NRDE2: variants seen among roughly 807,000 people sequenced by gnomAD.
NRDE2 encodes NRDE-2, necessary for RNA interference, domain containing.
In NRDE2, 76 loss-of-function variants were observed where a neutral mutation model predicts 124.2. The observed-to-expected ratio is 0.61, with a 90% CI of 0.51 to 0.74. The LOEUF (loss-of-function observed/expected upper bound fraction) is 0.74, where lower values mean the gene tolerates loss of function less well. Ranked by LOEUF, NRDE2 falls within the 30% of genes least tolerant of loss-of-function variation. The pLI is 0.00. For missense variants in NRDE2, 1,314 were observed against 1,417.3 expected (o/e 0.93, Z 1.17); for synonymous variants, 489 against 528.1 (o/e 0.93, Z 1.01).
At chr14:90,316,085 A>C (rs1031023805) in intron 3 of NRDE2, among the ~76,000 whole-genome samples, 1 of 152,184 alleles carries the variant, frequency 6.6e-6, no homozygotes, top group Non-Finnish European at 1.5e-5. Context: ...TCTTAAACAA[A>C]TATGAAAAAG....
In NRDE2 at chr14:90,278,218, G is replaced by C; in HGVS notation, c.*118C>G. The C allele has an allele frequency of 8.0e-7, 1 of 1,249,272 alleles. No homozygotes were observed. The highest frequency in any genetic ancestry group is 1.4e-5 in the South Asian group (1 of 73,886). The allele number at this position is 1,249,272 out of a possible 1,614,324, so 77.4% of individuals were successfully genotyped here. On this transcript the variant is annotated 3_prime_UTR_variant, in exon 14 of 14. Coordinates refer to ENST00000354366, the MANE Select transcript of NRDE2 (RefSeq NM_017970.4). ...GCTGGCAGCCCACATTATTACTATC[G>C]AGAAAGAACATTTCAAAAGCCGAGT...
chr14:90,290,463 C>T lies in NRDE2; in HGVS notation c.1987G>A (p.Glu663Lys), dbSNP rs766972857. The change falls in exon 10 of 14, where the codon GAG becomes AAG. Residue 663 changes from glutamate to lysine, a missense_variant. Coordinates refer to ENST00000354366, the MANE Select transcript of NRDE2 (RefSeq NM_017970.4). The stretch of plus-strand genomic sequence containing the variant: ...AGTCCATTATCAAAGATGCTGTTCT[C>T]ATCCATGGCCAGATAAAGACAGGAG... ...PASCLYLAMD[E>K]NSIFDNGLYD... 6.2e-7 allele frequency: 1 copy of T among 1,613,952 alleles called. No individual in the cohort carries two copies. Among genetic ancestry groups the T allele is most frequent in the Non-Finnish European group, 8.5e-7 (1 of 1,180,034 alleles).
rs1452093771 is a variant in NRDE2, at chr14:90,276,775, T to C, written c.*1561A>G. On this transcript the variant is annotated 3_prime_UTR_variant, in exon 14 of 14. Transcript: ENST00000354366. Reference sequence around the variant, plus strand: ...TCAGAGGCCACGCCCTTCTAAGTTCTGAACCAGATGAGAAGAGACATGAGT... The same window carrying C: ...TCAGAGGCCACGCCCTTCTAAGTTCCGAACCAGATGAGAAGAGACATGAGT... 6.6e-6 allele frequency: 1 copy of C among 152,214 alleles called. No homozygotes were observed. The highest frequency in any genetic ancestry group is 1.5e-5 in the Non-Finnish European group (1 of 68,104). 9.4% of individuals were successfully genotyped at this position (152,214 alleles called of 1,614,324 possible).
chr14:90,321,542 G>T (rs1885240510), intron 1 of NRDE2, among the ~76,000 whole-genome samples: 1 of 133,950 alleles, frequency 7.5e-6, no homozygotes. Context: ...CAAGACCCCA[G>T]CTCTATTAAA....
intron 1 of NRDE2, among the ~76,000 whole-genome samples, chr14:90,324,818 T>C (rs192103351): frequency 2.0e-5 from 3 of 152,252 alleles, no homozygotes; most frequent in East Asian, 1.9e-4. Context: ...ACTAACTTCA[T>C]AGAGTTGTTA....
At chr14:90,290,633 C>T in intron 9 of NRDE2, 26 bp from the exon 10 acceptor site, 1 of 1,572,888 alleles carries the variant, frequency 6.4e-7, no homozygotes, top group Non-Finnish European at 8.6e-7. Context: ...AATAAAGCGA[C>T]CCATGTAACA....
At position 90,319,601 on chromosome 14, in the gene NRDE2, G is replaced by A. The variant is rs561242858; in HGVS notation, c.65-1488C>T. 7.2e-5 allele frequency among the ~76,000 whole-genome samples: 11 copies of A among 152,088 alleles called. No individual in the cohort carries two copies. In the East Asian group the frequency reaches 1.2e-3, roughly 16 times the overall value. On this transcript the variant is annotated intron_variant, in intron 1 of 13. Coordinates refer to ENST00000354366, the MANE Select transcript of NRDE2 (RefSeq NM_017970.4). ...ATATAAATAAGCTCATATAATATAC[G>A]TGGTCTTTTGTAACTTACCACAATG... is the stretch of plus-strand genomic sequence containing the variant.
chr14:90,305,290 G>A (rs1884557383), intron 4 of NRDE2, among the ~76,000 whole-genome samples: 2 of 152,252 alleles, frequency 1.3e-5, no homozygotes, highest in South Asian at 4.1e-4. Flanking sequence ...TGAGTAACCT[G>A]TGGAGTAACC....
At chr14:90,314,083 G>A (rs1181255667) in intron 3 of NRDE2, among the ~76,000 whole-genome samples, 2 of 152,230 alleles carry the variant, frequency 1.3e-5, no homozygotes, top group Non-Finnish European at 2.9e-5. Flanking sequence ...TCCCCTCGGC[G>A]GTACTGAGCT....
rs1891652306 is a variant in NRDE2 at position 90,271,182 on chromosome 14, CTT to C, written c.*7152_*7153del. 2 of 152,188 alleles carry C rather than the reference CTT, an allele frequency of 1.3e-5. No individual in the cohort carries two copies. Among genetic ancestry groups the C allele is most frequent in the South Asian group, 4.1e-4 (2 of 4,830 alleles). 9.4% of individuals were successfully genotyped at this position (152,188 alleles called of 1,614,324 possible). ...GCTTTTTCTCTTTCTATACACAAAA[CTT>C]TCTTTTCACCCGAACCATTTGAAGT... On this transcript the variant is annotated 3_prime_UTR_variant, in exon 14 of 14. Transcript: ENST00000354366.
Position 90,302,788 on chromosome 14 carries a change from A to G in NRDE2, c.1343T>C (p.Leu448Ser). Residue 448 changes from leucine to serine, a missense_variant, in exon 6 of 14, where the codon TTG becomes TCG. Physicochemically the swap from Leu to Ser is moderately radical, Grantham distance 145. Transcript: ENST00000354366. ...HSLYGKCLST[L>S]SAVKDGSILS... ...GATGCTGCCGTCCTTAACAGCAGACAAAGTGCTCAAGCATTTTCCATAAAG... is the reference window on the plus strand; with the variant it reads ...GATGCTGCCGTCCTTAACAGCAGACGAAGTGCTCAAGCATTTTCCATAAAG... 1 of 1,614,192 alleles carries G rather than the reference A, an allele frequency of 6.2e-7. No homozygotes were observed. Among genetic ancestry groups the G allele is most frequent in the Middle Eastern group, 1.6e-4 (1 of 6,062 alleles).
At chr14:90,314,312 T>C (rs1280625354) in intron 3 of NRDE2, among the ~76,000 whole-genome samples, 1 of 152,230 alleles carries the variant, frequency 6.6e-6, no homozygotes, top group Non-Finnish European at 1.5e-5. Context: ...TTCACTAATA[T>C]TGTAGTCCTT....
chr14:90,327,280 T>C (rs1302728626), intron 1 of NRDE2, among the ~76,000 whole-genome samples: 1 of 152,242 alleles, frequency 6.6e-6, no homozygotes, highest in Non-Finnish European at 1.5e-5. Flanking sequence ...CCCGGCATGA[T>C]GGCTCATGCC....
chr14:90,278,293 G>A lies in NRDE2; in HGVS notation c.*43C>T. Reference sequence around the variant, plus strand: ...TCGCGCCTCCTAGCTCCGCAGGGTGGGCAACTTGGCCTCGCAGGCACAGCC... The same window carrying A: ...TCGCGCCTCCTAGCTCCGCAGGGTGAGCAACTTGGCCTCGCAGGCACAGCC... On this transcript the variant is annotated 3_prime_UTR_variant, in exon 14 of 14. Coordinates refer to ENST00000354366, the MANE Select transcript of NRDE2 (RefSeq NM_017970.4). The A allele has an allele frequency of 1.2e-6, 2 of 1,612,772 alleles. No homozygotes were observed. The highest frequency in any genetic ancestry group is 1.7e-6 in the Non-Finnish European group (2 of 1,179,140).
chr14:90,330,648 T>C (rs1008331250), intron 1 of NRDE2, among the ~76,000 whole-genome samples: 1 of 152,004 alleles, frequency 6.6e-6, no homozygotes, highest in African/African-American at 2.4e-5. Flanking sequence ...TCGTCTCTAC[T>C]AAATATTAAA....
chr14:90,301,217 T>C (rs779063358), intron 7 of NRDE2, 22 bp downstream of exon 7: 1 of 1,612,036 alleles, frequency 6.2e-7, no homozygotes, highest in Non-Finnish European at 8.5e-7. Flanking sequence ...AAGAGAGAGA[T>C]GAGGCGAGCA....
chr14:90,298,029 A>G (rs529754898), intron 8 of NRDE2, among the ~76,000 whole-genome samples: 1 of 152,242 alleles, frequency 6.6e-6, no homozygotes, highest in East Asian at 1.9e-4. Context: ...AAAAAGGGAA[A>G]TTACAGAAAC....
Position 90,269,779 on chromosome 14 carries a change from C to T in NRDE2, c.*8557G>A, listed in dbSNP as rs1371295675. 5 of 438,222 alleles carry T rather than the reference C, an allele frequency of 1.1e-5. No homozygotes were observed. Among genetic ancestry groups the T allele is most frequent in the South Asian group, 5.4e-5 (1 of 18,634 alleles). The allele number at this position is 438,222 out of a possible 1,614,324, so 27.1% of individuals were successfully genotyped here. A position where few individuals can be genotyped will look rare whatever the true frequency, so the allele number is the denominator to read the frequency against. On this transcript the variant is annotated 3_prime_UTR_variant, in exon 14 of 14. Coordinates refer to ENST00000354366, the MANE Select transcript of NRDE2 (RefSeq NM_017970.4). ...GTCTTATGTCTTGTCTTTTCTTTTC[C>T]ATAACATTCCCTTTTTAGCCTCAAG... is the stretch of plus-strand genomic sequence containing the variant.
intron 13 of NRDE2, chr14:90,278,823 G>A: frequency 1.8e-6 from 1 of 571,284 alleles, no homozygotes. Context: ...CAAATGCTGG[G>A]AAACCAGCTA....
Sources: gnomAD v4.1 joint callset for allele counts (sites outside exome capture counted in the v4.1 genomes callset) on GRCh38, gnomAD v4.1.1 for gene constraint, MANE v1.5 for transcripts, NCBI Gene and HGNC (gene_info 2026-07-23, HGNC 2026-07-21) for gene names.